The following SCML2 variants were observed in gnomAD, a reference collection of about 807,000 sequenced individuals.
SCML2 encodes the protein sex comb on midleg-like protein 2.
SCML2 carries 6 observed loss-of-function variants against 48.4 expected under a neutral mutation model. That is an observed-to-expected ratio of 0.12 (90% CI 0.07 to 0.24). SCML2 has a LOEUF of 0.24. SCML2 is among the 10% of genes least tolerant of loss of function. SCML2 has a pLI of 1.00. For missense variants in SCML2, 377 were observed against 528.2 expected (o/e 0.71, Z 2.81); for synonymous variants, 181 against 189.5 (o/e 0.95, Z 0.37).
chrX:18,310,290 C>T (rs1465290030), intron 6 of SCML2, among the ~76,000 whole-genome samples: 1 of 65,890 alleles, frequency 1.5e-5, no homozygotes, highest in Admixed American at 2.5e-4. Flanking sequence ...TTTTTTGAGA[C>T]GGTCTCTCTC....
At position 18,239,731 on chromosome X, in the gene SCML2, G is replaced by T. The variant is rs777864513; in HGVS notation, c.*1520C>A. 1 of 111,810 alleles carries T rather than the reference G, an allele frequency of 8.9e-6. No homozygotes were observed. 9.2% of individuals were successfully genotyped at this position (111,810 alleles called of 1,213,427 possible). On this transcript the variant is annotated 3_prime_UTR_variant, in exon 15 of 15. Coordinates refer to ENST00000251900, the MANE Select transcript of SCML2 (RefSeq NM_006089.3). ...AAAATAAAGCCCCAAACATGGCTGG[G>T]CATGGTGGCTCATGCCTGTAATCCC...
intron 5 of SCML2, among the ~76,000 whole-genome samples, chrX:18,320,909 C>A (rs187257250): frequency 2.8e-3 from 310 of 111,132 alleles, no homozygotes; most frequent in African/African-American, 9.1e-3. Context: ...AAGAAAAAAA[C>A]CTATAGATAT....
chrX:18,299,932 G>C (rs1241958708), intron 7 of SCML2, among the ~76,000 whole-genome samples: 1 of 109,871 alleles, frequency 9.1e-6, no homozygotes, highest in Non-Finnish European at 1.9e-5. Context: ...TAGAGACAGA[G>C]TCTCACTGTG....
intron 7 of SCML2, among the ~76,000 whole-genome samples, chrX:18,278,513 G>A (rs1324848568): frequency 1.8e-5 from 2 of 112,054 alleles, no homozygotes; most frequent in Non-Finnish European, 1.9e-5. Flanking sequence ...GAGCCCAGGA[G>A]GTTTTATGTG....
intron 7 of SCML2, among the ~76,000 whole-genome samples, chrX:18,299,728 G>A (rs1424720235): frequency 9.1e-6 from 1 of 109,304 alleles, no homozygotes; most frequent in African/African-American, 3.3e-5. Flanking sequence ...CAGAGAAAAG[G>A]GAACTCTTTT....
intron 7 of SCML2, among the ~76,000 whole-genome samples, chrX:18,274,038 C>G (rs776822800): frequency 6.3e-5 from 7 of 111,952 alleles, no homozygotes; most frequent in Non-Finnish European, 1.3e-4. Flanking sequence ...CAACCTCATT[C>G]CTCCTGGATG....
intron 13 of SCML2, among the ~76,000 whole-genome samples, chrX:18,244,050 T>C (rs1352606629): frequency 8.9e-6 from 1 of 112,201 alleles, no homozygotes; most frequent in African/African-American, 3.2e-5. Context: ...GTTAATTTTT[T>C]GTGTGTAGCT....
chrX:18,319,028 C>T (rs188751562), intron 6 of SCML2, among the ~76,000 whole-genome samples: 3 of 111,830 alleles, frequency 2.7e-5, no homozygotes, highest in Admixed American at 9.5e-5. Context: ...AAATTGGACA[C>T]GAATAAACAG....
Position 18,305,023 on chromosome X carries a change from C to G in SCML2, c.679G>C (p.Ala227Pro), listed in dbSNP as rs966687810. 3.3e-6 allele frequency: 4 copies of G among 1,211,283 alleles called. No homozygotes were observed. The highest frequency in any genetic ancestry group is 2.2e-5 in the Admixed American group (1 of 45,991). ...TCTCCTGTCAGGCGACACCACCCAG[C>G]TGGGAAAATATCTCGAGAATCATAC... ...CKYDSRDIFP[A>P]GWCRLTGDVL... The change falls in exon 7 of 15, where the codon GCT (alanine) becomes CCT (proline). Residue 227 changes from alanine to proline, a missense_variant. Ala to Pro is a conservative substitution (Grantham distance 27). Coordinates refer to ENST00000251900, the MANE Select transcript of SCML2 (RefSeq NM_006089.3).
rs201172697 is a variant in SCML2, at chrX:18,297,974, A to G, written c.730+6998T>C. 2.3e-3 allele frequency among the ~76,000 whole-genome samples: 261 copies of G among 111,331 alleles called. 2 individuals carry two copies. The South Asian group carries it at 0.092, about 39-fold the overall frequency. ...TATTGAGCCGTGATCATGCCACTGC[A>G]CTCCACCCTGGGTGACAGAGCAAGA... On this transcript the variant is annotated intron_variant, in intron 7 of 14. Coordinates refer to ENST00000251900, the MANE Select transcript of SCML2 (RefSeq NM_006089.3).
chrX:18,326,679 CAAAA>C (rs368286831), intron 3 of SCML2, among the ~76,000 whole-genome samples: 1 of 57,768 alleles, frequency 1.7e-5, no homozygotes. Context: ...GACTCCATCT[CAAAA>C]AAAAAAAAAA....
chrX:18,242,338 A>G lies in SCML2; in HGVS notation c.1974+101T>C, dbSNP rs757432051. ...CTCTCACATATGGAAAAATCAGTTG[A>G]TAGGGTTCCCCCACCATCCACACAG... On this transcript the variant is annotated intron_variant, in intron 14 of 14. Transcript: ENST00000251900. The G allele has an allele frequency of 2.2e-5, 20 of 895,235 alleles. No individual in the cohort carries two copies. The East Asian group carries it at 4.6e-4, about 20-fold the overall frequency. The allele number at this position is 895,235 out of a possible 1,213,427, so 73.8% of individuals were successfully genotyped here. A position where few individuals can be genotyped will look rare whatever the true frequency, so the allele number is the denominator to read the frequency against.
At chrX:18,313,420 A>C (rs1225583930) in intron 6 of SCML2, among the ~76,000 whole-genome samples, 1 of 111,190 alleles carries the variant, frequency 9.0e-6, no homozygotes, top group African/African-American at 3.3e-5. Context: ...ACCATGTAAG[A>C]AGTGCCTTTC....
intron 3 of SCML2, 46 bp downstream of exon 3, chrX:18,330,541 T>C (rs1376936621): frequency 5.1e-6 from 4 of 782,747 alleles, no homozygotes; most frequent in Non-Finnish European, 7.3e-6. Flanking sequence ...ATTTTAACAC[T>C]AGTGAGGAAG....
In SCML2 at chrX:18,256,970, G is replaced by A. The variant is rs1297492863; in HGVS notation, c.1334C>T (p.Ala445Val). ...GCAGAAGTTCTCAAGAAAGCGAAGAGCAAATGATGCACTGTTCACTGGAGG... is the reference window on the plus strand; with the variant it reads ...GCAGAAGTTCTCAAGAAAGCGAAGAACAAATGATGCACTGTTCACTGGAGG... ...QLPPVNSASF[A>V]LRFLENFCHS... The change falls in exon 11 of 15, where the codon GCT becomes GTT. Residue 445 changes from alanine (A) to valine (V), a missense_variant. This residue lies in a region of SCML2 where 299 missense variants were observed against 425.5 expected (regional missense o/e 0.70). Coordinates refer to ENST00000251900, the MANE Select transcript of SCML2 (RefSeq NM_006089.3). 1.7e-6 allele frequency: 2 copies of A among 1,207,712 alleles called. No homozygotes were observed. The highest frequency in any genetic ancestry group is 2.2e-6 in the Non-Finnish European group (2 of 893,455).
intron 11 of SCML2, among the ~76,000 whole-genome samples, chrX:18,255,661 G>A (rs1016110888): frequency 8.9e-6 from 1 of 112,362 alleles, no homozygotes; most frequent in African/African-American, 3.2e-5. Flanking sequence ...GGATGGATAT[G>A]AGAGATGTCA....
chrX:18,336,209 C>T (rs1602145087), intron 1 of SCML2, among the ~76,000 whole-genome samples: 1 of 110,995 alleles, frequency 9.0e-6, no homozygotes, highest in South Asian at 3.8e-4. Flanking sequence ...CTTTGGGAGG[C>T]CGAGGCAGAT....
At chrX:18,301,630 T>C (rs779047291) in intron 7 of SCML2, among the ~76,000 whole-genome samples, 2 of 110,217 alleles carry the variant, frequency 1.8e-5, no homozygotes, top group East Asian at 5.8e-4. Flanking sequence ...AAAATTAGCC[T>C]GGGATGGTAA....
intron 9 of SCML2, among the ~76,000 whole-genome samples, chrX:18,259,527 C>T (rs191912775): frequency 3.1e-3 from 348 of 111,628 alleles, no homozygotes; most frequent in African/African-American, 0.011. Context: ...ATTCAACCCA[C>T]GGTGCTGATG....
Sources: allele counts gnomAD v4.1 joint callset (sites outside exome capture counted in the v4.1 genomes callset), GRCh38; gene constraint gnomAD v4.1.1; regional missense constraint gnomAD v4.1.1; transcripts MANE v1.5; gene names NCBI Gene and HGNC (gene_info 2026-07-23, HGNC 2026-07-21).